KCNQ5: variants seen among roughly 807,000 people sequenced by gnomAD.
The protein encoded by KCNQ5 is potassium voltage-gated channel subfamily KQT member 5.
Under a neutral mutation model 98.2 loss-of-function variants are expected in KCNQ5, and 30 were observed. The observed-to-expected ratio is 0.31, with a 90% CI of 0.23 to 0.41. The LOEUF (loss-of-function observed/expected upper bound fraction) is 0.41, where lower values mean the gene tolerates loss of function less well. Ranked by LOEUF, KCNQ5 falls within the 10% of genes least tolerant of loss-of-function variation. The pLI is 1.00. For synonymous variants in KCNQ5, 458 were observed against 449.4 expected, an observed-to-expected ratio of 1.02 and a Z score of -0.24; for missense variants, 835 against 1,182.5, an observed-to-expected ratio of 0.71 and a Z score of 4.31.
chr6:73,052,860 C>A (rs1407460318), intron 3 of KCNQ5, among the ~76,000 whole-genome samples: 1 of 151,990 alleles, frequency 6.6e-6, no homozygotes, highest in East Asian at 1.9e-4. Context: ...ATTAACAACA[C>A]AAAACAGGAT....
At chr6:73,065,296 C>CTCGTT (rs1431943189) in intron 3 of KCNQ5, among the ~76,000 whole-genome samples, 1 of 152,178 alleles carries the variant, frequency 6.6e-6, no homozygotes, top group Non-Finnish European at 1.5e-5. Flanking sequence ...CTTAGACTCC[C>CTCGTT]TCGTTTGTCT....
chr6:73,121,937 A>G (rs2150440954), intron 8 of KCNQ5, among the ~76,000 whole-genome samples: 1 of 152,340 alleles, frequency 6.6e-6, no homozygotes, highest in East Asian at 1.9e-4. Context: ...TAGGACAGAG[A>G]TATTCATAGC....
chr6:72,982,773 G>A (rs1445222257), intron 1 of KCNQ5, among the ~76,000 whole-genome samples: 2 of 152,096 alleles, frequency 1.3e-5, no homozygotes, highest in African/African-American at 4.8e-5. Flanking sequence ...AGCATCAATG[G>A]TCTTCACAAT....
intron 1 of KCNQ5, among the ~76,000 whole-genome samples, chr6:72,725,265 AT>A (rs1279186206): frequency 1.3e-5 from 2 of 152,162 alleles, no homozygotes; most frequent in African/African-American, 2.4e-5. Context: ...TATTCCCCAA[AT>A]CTGTAAACTC....
chr6:73,056,027 C>T (rs1245517875), intron 3 of KCNQ5, among the ~76,000 whole-genome samples: 4 of 152,226 alleles, frequency 2.6e-5, no homozygotes, highest in Non-Finnish European at 4.4e-5. Context: ...TCCCTTCATA[C>T]ATTCTAGTCA....
At chr6:72,813,233 CT>C (rs954870273) in intron 1 of KCNQ5, among the ~76,000 whole-genome samples, 2 of 152,164 alleles carry the variant, frequency 1.3e-5, no homozygotes, top group African/African-American at 4.8e-5. Flanking sequence ...TTTAAAATAT[CT>C]TTTTTTCAGG....
At chr6:73,000,193 C>T (rs530384972) in intron 1 of KCNQ5, among the ~76,000 whole-genome samples, 28 of 152,286 alleles carry the variant, frequency 1.8e-4, no homozygotes, top group African/African-American at 6.0e-4. Flanking sequence ...ACACAAACCT[C>T]ACTATGTCAC....
intron 8 of KCNQ5, among the ~76,000 whole-genome samples, chr6:73,122,655 A>G (rs976692990): frequency 1.3e-5 from 2 of 152,216 alleles, no homozygotes; most frequent in Non-Finnish European, 1.5e-5. Flanking sequence ...CTCCCCTTCC[A>G]GTGATGCTTC....
At chr6:72,861,472 G>C (rs1777759788) in intron 1 of KCNQ5, among the ~76,000 whole-genome samples, 1 of 152,082 alleles carries the variant, frequency 6.6e-6, no homozygotes, top group Non-Finnish European at 1.5e-5. Flanking sequence ...AATGGCCAAA[G>C]AAAGAATTCA....
At chr6:72,671,404 A>G (rs1251985607) in intron 1 of KCNQ5, among the ~76,000 whole-genome samples, 2 of 152,168 alleles carry the variant, frequency 1.3e-5, no homozygotes. Flanking sequence ...TTATGCTACT[A>G]GCATTTTGAT....
chr6:72,738,763 G>A (rs185012521), intron 1 of KCNQ5, among the ~76,000 whole-genome samples: 33 of 152,220 alleles, frequency 2.2e-4, no homozygotes, highest in African/African-American at 7.2e-4. Flanking sequence ...ATGGAGGAAC[G>A]TTCAATGCAT....
rs544152844 is a variant in KCNQ5, at chr6:72,685,839, A to T, written c.398+63252A>T. ...AAATGTATCTTGGGCTCCTCTAAGA[A>T]AATACCATTGCTGAGTGGCTTAAAC... On this transcript the variant is annotated intron_variant, in intron 1 of 13. Coordinates refer to ENST00000370398, the MANE Select transcript of KCNQ5 (RefSeq NM_019842.4). Among the ~76,000 whole-genome samples, 3 of 152,328 alleles carry T rather than the reference A, an allele frequency of 2.0e-5. No individual in the cohort carries two copies. In the South Asian group the frequency reaches 6.2e-4, roughly 32 times the overall value.
At chr6:72,872,645 A>G (rs1317708254) in intron 1 of KCNQ5, among the ~76,000 whole-genome samples, 1 of 152,088 alleles carries the variant, frequency 6.6e-6, no homozygotes, top group Non-Finnish European at 1.5e-5. Context: ...TAATTCTTAG[A>G]GCCAGGATTT....
At chr6:72,885,776 GGTAAGAGGGTCCCAA>G (rs1381440071) in intron 1 of KCNQ5, among the ~76,000 whole-genome samples, 13 of 152,270 alleles carry the variant, frequency 8.5e-5, no homozygotes, top group Admixed American at 8.5e-4. Context: ...CCTTCTAGCT[GGTAAGAGGGTCCCAA>G]GTAAAGCAAA....
chr6:72,947,102 T>C (rs6934303), intron 1 of KCNQ5, among the ~76,000 whole-genome samples: 10,650 of 152,220 alleles, frequency 0.07, 1,255 homozygotes, highest in African/African-American at 0.24. Context: ...AGCTGTATCA[T>C]TGAGCTCACA....
intron 1 of KCNQ5, among the ~76,000 whole-genome samples, chr6:72,679,507 G>A (rs1767588614): frequency 6.7e-6 from 1 of 148,320 alleles, no homozygotes; most frequent in Non-Finnish European, 1.5e-5. Context: ...CTCACTCATA[G>A]GTGGGAATTG....
In KCNQ5 at chr6:72,686,771, T is replaced by TGGTA. The variant is rs1276141855; in HGVS notation, c.398+64185_398+64188dup. Among the ~76,000 whole-genome samples, 3 of 150,294 alleles carry TGGTA rather than the reference T, an allele frequency of 2.0e-5. No homozygotes were observed. In the East Asian group the frequency reaches 5.9e-4, roughly 30 times the overall value. ...GTCTTTGATACATCTGGGACTACTG[T>TGGTA]GGTACAGGTTATGAGATAAGAATCC... On this transcript the variant is annotated intron_variant, in intron 1 of 13. Coordinates refer to ENST00000370398, the MANE Select transcript of KCNQ5 (RefSeq NM_019842.4).
chr6:72,745,789 C>T (rs1170629039), intron 1 of KCNQ5, among the ~76,000 whole-genome samples: 1 of 152,122 alleles, frequency 6.6e-6, no homozygotes, highest in Non-Finnish European at 1.5e-5. Context: ...CAAGGTGTGT[C>T]TGAAGGTCAT....
chr6:73,132,563 T>C (rs969743428), intron 9 of KCNQ5, among the ~76,000 whole-genome samples: 1 of 152,228 alleles, frequency 6.6e-6, no homozygotes, highest in Admixed American at 6.5e-5. Flanking sequence ...AGCATATCTC[T>C]TGATTAGGAA....
Sources: gnomAD v4.1 joint callset for allele counts (sites outside exome capture counted in the v4.1 genomes callset) on GRCh38, gnomAD v4.1.1 for gene constraint, MANE v1.5 for transcripts, NCBI Gene and HGNC (gene_info 2026-07-23, HGNC 2026-07-21) for gene names.